Variants in LRRC56 observed in about 807,000 individuals in gnomAD.
LRRC56 encodes leucine-rich repeat-containing protein 56.
Under a neutral mutation model 47.8 loss-of-function variants are expected in LRRC56, and 41 were observed. That is an observed-to-expected ratio of 0.86 (90% CI 0.67 to 1.11). LRRC56 has a LOEUF of 1.11. LRRC56 is among the 50% of genes most tolerant of loss of function. The pLI is 0.00. For synonymous variants in LRRC56, 387 were observed against 311.2 expected (o/e 1.24, Z -2.56); for missense variants, 759 against 704.2 (o/e 1.08, Z -0.88).
At position 552,709 on chromosome 11, in the gene LRRC56, AGCCTGCCC is replaced by A; in HGVS notation, c.1315+16_1315+23del. The A allele has an allele frequency of 6.3e-7, 1 of 1,593,586 alleles. No homozygotes were observed. On this transcript the variant is annotated splice_region_variant and intron_variant, in intron 13 of 13. Coordinates refer to ENST00000270115, the MANE Select transcript of LRRC56 (RefSeq NM_198075.4). ...CCCCCAAGCCTGGCCTCAGGTACTG[AGCCTGCCC>A]GCCTGCCCCCCAGTGCCTGGGAGTG...
chr11:546,339 T>C (rs1005549073), intron 6 of LRRC56, among the ~76,000 whole-genome samples: 12 of 151,556 alleles, frequency 7.9e-5, no homozygotes, highest in Non-Finnish European at 1.3e-4. Context: ...GAGGCCAAGG[T>C]AGGCAGATCA....
chr11:525,495 C>T, the LRRC56 span, among the ~76,000 whole-genome samples: 9 of 151,420 alleles, frequency 5.9e-5, no homozygotes, highest in Admixed American at 1.3e-4. Flanking sequence ...GCCGAGATCG[C>T]GCCACTGCAC....
upstream of LRRC56, chr11:537,223 C>G (rs1462379094): frequency 6.6e-6 from 1 of 152,268 alleles, no homozygotes; most frequent in Non-Finnish European, 1.5e-5. Flanking sequence ...CGCGAGGAAA[C>G]GCGACACGTG....
At chr11:532,733 G>C (rs587778400), upstream of LRRC56, 1 of 1,612,890 alleles carries the variant, frequency 6.2e-7, no homozygotes, top group Non-Finnish European at 8.5e-7. Context: ...ACGCACCAAC[G>C]TGTAGAAGGC....
At chr11:533,971 C>G, upstream of LRRC56, 1 of 1,605,516 alleles carries the variant, frequency 6.2e-7, no homozygotes, top group Non-Finnish European at 8.5e-7. Context: ...CTCAGGGACC[C>G]CCTCAGGACC....
chr11:538,393 C>T (rs1249458294), intron 1 of LRRC56, among the ~76,000 whole-genome samples: 1 of 152,170 alleles, frequency 6.6e-6, no homozygotes, highest in Admixed American at 6.5e-5. Flanking sequence ...TGTTGGGGTC[C>T]TGCTGTGAGG....
chr11:551,050 A>C, intron 8 of LRRC56, 81 bp from the exon 9 acceptor site: 1 of 846,756 alleles, frequency 1.2e-6, no homozygotes, highest in Non-Finnish European at 1.8e-6. Context: ...GGGTCTGGGA[A>C]AGGGAGCCAG....
At chr11:532,443 C>G in the LRRC56 span, 57 of 768,456 alleles carry the variant, frequency 7.4e-5, no homozygotes, top group Non-Finnish European at 1.0e-4. Flanking sequence ...TTCCTTCCTT[C>G]CTTGCTTCCG....
chr11:533,694 C>T (rs2133988917), upstream of LRRC56: 7 of 1,611,684 alleles, frequency 4.3e-6, no homozygotes, highest in Middle Eastern at 1.7e-4. Flanking sequence ...GACAGGAGGC[C>T]CCTGCCTGGA....
At chr11:519,202 G>T in the LRRC56 span, among the ~76,000 whole-genome samples, 2 of 152,252 alleles carry the variant, frequency 1.3e-5, no homozygotes, top group Non-Finnish European at 2.9e-5. Context: ...TGAGCCGCGC[G>T]CATTCCTTAG....
At chr11:551,597 G>T (rs1852393978) in intron 9 of LRRC56, 54 bp from the exon 10 acceptor site, 1 of 1,509,508 alleles carries the variant, frequency 6.6e-7, no homozygotes, top group Non-Finnish European at 8.9e-7. Flanking sequence ...GACAGAGTCT[G>T]GGGGGCGCTC....
upstream of LRRC56, chr11:533,293 G>A: frequency 1.3e-6 from 2 of 1,598,234 alleles, no homozygotes; most frequent in Non-Finnish European, 1.7e-6. Flanking sequence ...AGGGGCCGCT[G>A]GGTCACATGG....
chr11:537,406 G>A (rs1156746715), upstream of LRRC56: 1 of 152,260 alleles, frequency 6.6e-6, no homozygotes, highest in Non-Finnish European at 1.5e-5. Flanking sequence ...AAGGGGCGTG[G>A]CTCAGCCGCA....
In LRRC56 at chr11:552,674, T is replaced by C. The variant is rs1381265892; in HGVS notation, c.1287T>C (p.Thr429=). 1.9e-6 allele frequency: 3 copies of C among 1,609,196 alleles called. No individual in the cohort carries two copies. The highest frequency in any genetic ancestry group is 2.5e-6 in the Non-Finnish European group (3 of 1,178,232). ...AAGTGCACCAGGCAGAGCCCAAGACTCCCTCCAGCCCCCCAAGCCTGGCCT... is the reference window on the plus strand; with the variant it reads ...AAGTGCACCAGGCAGAGCCCAAGACCCCCTCCAGCCCCCCAAGCCTGGCCT... ...EEQVHQAEPK[T]PSSPPSLASE... The change falls in exon 13 of 14, where the codon ACT becomes ACC. Residue 429 remains threonine (T), a synonymous_variant. Coordinates refer to ENST00000270115, the MANE Select transcript of LRRC56 (RefSeq NM_198075.4).
the LRRC56 span, among the ~76,000 whole-genome samples, chr11:513,898 C>T: frequency 6.6e-6 from 1 of 152,032 alleles, no homozygotes; most frequent in Non-Finnish European, 1.5e-5. Context: ...AGTCAGCAGC[C>T]ACAAACAAGA....
the LRRC56 span, among the ~76,000 whole-genome samples, chr11:520,483 A>AT: frequency 1.3e-5 from 2 of 151,692 alleles, no homozygotes; most frequent in Admixed American, 6.6e-5. Context: ...CGTCCGGCTC[A>AT]TTTTTTTGTA....
At chr11:508,444 C>T in the LRRC56 span, among the ~76,000 whole-genome samples, 1 of 152,250 alleles carries the variant, frequency 6.6e-6, no homozygotes, top group African/African-American at 2.4e-5. Flanking sequence ...CTGGCATAAG[C>T]CACTACACCC....
chr11:518,569 C>T, the LRRC56 span, among the ~76,000 whole-genome samples: 2,091 of 152,134 alleles, frequency 0.014, 16 homozygotes, highest in South Asian at 0.038. Context: ...GTGATCCGGC[C>T]GCCTCCGCCT....
chr11:516,055 C>T, the LRRC56 span, among the ~76,000 whole-genome samples: 1 of 152,164 alleles, frequency 6.6e-6, no homozygotes, highest in Non-Finnish European at 1.5e-5. Flanking sequence ...ATCTATTTGT[C>T]TATCCTGTTA....
Sources: allele counts gnomAD v4.1 joint callset (sites outside exome capture counted in the v4.1 genomes callset), GRCh38; gene constraint gnomAD v4.1.1; transcripts MANE v1.5; gene names NCBI Gene and HGNC (gene_info 2026-07-23, HGNC 2026-07-21).